Variants in TRMT2B observed in about 807,000 individuals in gnomAD.
The protein encoded by TRMT2B is tRNA methyltransferase 2B, also known as tRNA (uracil-5-)-methyltransferase homolog B.
TRMT2B carries 34 observed loss-of-function variants against 39.7 expected under a neutral mutation model. The observed-to-expected ratio is 0.86, with a 90% CI of 0.65 to 1.14. The LOEUF is 1.14. TRMT2B is among the 50% of genes most tolerant of loss of function. The probability of loss-of-function intolerance (pLI) is 0.00; values close to 1 mark genes in which losing one functional copy is unlikely to be tolerated. For synonymous variants in TRMT2B, 132 were observed against 137.3 expected, an observed-to-expected ratio of 0.96 and a Z score of 0.27; for missense variants, 318 against 377.2, an observed-to-expected ratio of 0.84 and a Z score of 1.30.
rs2088225436 is a variant in TRMT2B at position 101,041,331 on chromosome X, C to T, written c.289G>A (p.Glu97Lys). The T allele has an allele frequency of 8.3e-7, 1 of 1,208,404 alleles. No individual in the cohort carries two copies. Among genetic ancestry groups the T allele is most frequent in the Admixed American group, 2.2e-5 (1 of 45,607 alleles). ...TGGGCACCTACCTTGAGCTGTTCTT[C>T]ATAGCTCAACCTCCAGAGTGGTGTC... ...VVTPLWRLSY[E>K]EQLKVKFAAQ... Residue 97 changes from glutamate (E) to lysine (K), a missense_variant, in exon 4 of 14, where the codon GAA becomes AAA. Glu to Lys is a moderately conservative substitution (Grantham distance 56). Transcript: ENST00000372936.
downstream of TRMT2B, among the ~76,000 whole-genome samples, chrX:101,005,209 A>G (rs1340516630): frequency 1.8e-5 from 2 of 111,355 alleles, no homozygotes; most frequent in Admixed American, 9.6e-5. Flanking sequence ...CCTAGCCGAC[A>G]TGGTGAAACC....
chrX:100,988,318 C>A, the TRMT2B span: 1 of 1,196,010 alleles, frequency 8.4e-7, no homozygotes, highest in Non-Finnish European at 1.1e-6. Flanking sequence ...ATTCAGTGAC[C>A]AATCCCTGAA....
intron 7 of TRMT2B, among the ~76,000 whole-genome samples, chrX:101,028,580 T>A (rs940160520): frequency 9.0e-6 from 1 of 111,628 alleles, no homozygotes; most frequent in Non-Finnish European, 1.9e-5. Flanking sequence ...CCTGCTTCTA[T>A]CCAACCACGC....
At chrX:101,016,378 C>T (rs1436598915) in intron 13 of TRMT2B, among the ~76,000 whole-genome samples, 1 of 111,686 alleles carries the variant, frequency 9.0e-6, no homozygotes, top group Non-Finnish European at 1.9e-5. Flanking sequence ...CTTCTGAATA[C>T]CAGTCCCTTA....
Position 101,030,454 on chromosome X carries a change from C to CTTTTTTTTTTTTTTTTTTT in TRMT2B, c.609+5158_609+5159insAAAAAAAAAAAAAAAAAAA, listed in dbSNP as rs1331923176. Among the ~76,000 whole-genome samples, 66 of 71,825 alleles carry CTTTTTTTTTTTTTTTTTTT rather than the reference C, an allele frequency of 9.2e-4. 13 individuals carry two copies. Among genetic ancestry groups the CTTTTTTTTTTTTTTTTTTT allele is most frequent in the South Asian group, 1.3e-3 (2 of 1,585 alleles). 62.4% of individuals were successfully genotyped at this position (71,825 alleles called of 115,157 possible). On this transcript the variant is annotated intron_variant, in intron 7 of 13. Coordinates refer to ENST00000372936, the MANE Select transcript of TRMT2B (RefSeq NM_024917.6). ...GGAAAAGCCTATATAGATCTGCATT[C>CTTTTTTTTTTTTTTTTTTT]TTTTTTTTTTTTTTCAGATGGAGTC...
the TRMT2B span, among the ~76,000 whole-genome samples, chrX:100,985,026 GAAGA>G: frequency 1.8e-5 from 2 of 112,388 alleles, no homozygotes; most frequent in African/African-American, 6.5e-5. Flanking sequence ...GGTAAACTCA[GAAGA>G]AAGGTACCTT....
intron 7 of TRMT2B, among the ~76,000 whole-genome samples, chrX:101,031,508 G>A (rs2087456211): frequency 9.0e-6 from 1 of 111,466 alleles, no homozygotes; most frequent in Non-Finnish European, 1.9e-5. Context: ...AACAGTTCGA[G>A]ACCAGTCTGG....
At chrX:100,988,254 G>A in the TRMT2B span, 18 of 1,207,426 alleles carry the variant, frequency 1.5e-5, no homozygotes, top group East Asian at 1.5e-4. Context: ...ATGCTCAATC[G>A]AAGCTAAGCC....
the TRMT2B span, chrX:100,985,767 G>A: frequency 8.3e-7 from 1 of 1,211,609 alleles, no homozygotes; most frequent in Non-Finnish European, 1.1e-6. Context: ...GAGACCTGAA[G>A]GGCCGGGAAG....
the TRMT2B span, chrX:100,988,321 T>C: frequency 8.3e-7 from 1 of 1,203,687 alleles, no homozygotes; most frequent in Non-Finnish European, 1.1e-6. Flanking sequence ...CAGTGACCAA[T>C]CCCTGAACAC....
At chrX:100,974,191 C>T in the TRMT2B span, 1 of 1,183,040 alleles carries the variant, frequency 8.5e-7, no homozygotes, top group Non-Finnish European at 1.1e-6. Context: ...GGAGGCATTC[C>T]AAAAATGTAA....
chrX:101,004,983 C>G (rs1279147694), downstream of TRMT2B, among the ~76,000 whole-genome samples: 1 of 111,207 alleles, frequency 9.0e-6, no homozygotes, highest in Non-Finnish European at 1.9e-5. Flanking sequence ...CCTAGGCAAA[C>G]CAAGACAGTT....
intron 2 of TRMT2B, among the ~76,000 whole-genome samples, chrX:101,044,676 C>T (rs966159450): frequency 2.7e-5 from 3 of 110,138 alleles, no homozygotes; most frequent in East Asian, 2.8e-4. Flanking sequence ...CCCGTCTCTA[C>T]GAAAAATACA....
At chrX:101,010,780 T>C in intron 13 of TRMT2B, 73 bp from the exon 14 acceptor site, 8 of 1,067,058 alleles carry the variant, frequency 7.5e-6, no homozygotes, top group South Asian at 4.7e-5. Context: ...TTGCCTAAAA[T>C]AGAGGCCCTT....
At chrX:101,027,097 T>C (rs1182532836) in intron 7 of TRMT2B, among the ~76,000 whole-genome samples, 2 of 111,641 alleles carry the variant, frequency 1.8e-5, no homozygotes, top group Non-Finnish European at 3.8e-5. Flanking sequence ...CCCAACCTCC[T>C]TGTTATGAAA....
At chrX:101,000,380 C>A in the TRMT2B span, among the ~76,000 whole-genome samples, 1 of 110,667 alleles carries the variant, frequency 9.0e-6, no homozygotes, top group South Asian at 3.8e-4. Context: ...CCTTGGCCTC[C>A]CAAAGTGCTG....
At chrX:100,975,236 C>G in the TRMT2B span, among the ~76,000 whole-genome samples, 1 of 111,867 alleles carries the variant, frequency 8.9e-6, no homozygotes, top group East Asian at 2.8e-4. Context: ...ACAGCCACAA[C>G]AAATGACTTG....
At chrX:100,986,271 A>G in the TRMT2B span, among the ~76,000 whole-genome samples, 2 of 111,873 alleles carry the variant, frequency 1.8e-5, no homozygotes, top group Non-Finnish European at 3.8e-5. Flanking sequence ...AAACCTCATG[A>G]TAGCAGAGAA....
the TRMT2B span, among the ~76,000 whole-genome samples, chrX:100,977,906 G>T: frequency 8.9e-6 from 1 of 112,015 alleles, no homozygotes; most frequent in African/African-American, 3.2e-5. Flanking sequence ...CCATTCATCT[G>T]TTGATGGACT....
Sources: gnomAD v4.1 joint callset for allele counts (sites outside exome capture counted in the v4.1 genomes callset) on GRCh38, gnomAD v4.1.1 for gene constraint, MANE v1.5 for transcripts, NCBI Gene and HGNC (gene_info 2026-07-23, HGNC 2026-07-21) for gene names.